Variants in GFPT2 observed in about 807,000 individuals in gnomAD.
The protein encoded by GFPT2 is glutamine--fructose-6-phosphate transaminase 2.
Under a neutral mutation model 85.6 loss-of-function variants are expected in GFPT2, and 62 were observed. The observed-to-expected ratio is 0.72, with a 90% confidence interval of 0.59 to 0.90. The LOEUF is 0.90. Ranked by LOEUF, GFPT2 falls within the 40% of genes least tolerant of loss-of-function variation. GFPT2 has a pLI of 0.00. For missense variants in GFPT2, 788 were observed against 893.4 expected (o/e 0.88, Z 1.50); for synonymous variants, 368 against 344.5 (o/e 1.07, Z -0.75).
Position 180,353,314 on chromosome 5 carries a change from CGTG to C in GFPT2, c.-100_-98del. On this transcript the variant is annotated 5_prime_UTR_variant, in exon 1 of 19. Transcript: ENST00000253778. ...GCTCCTCCGTGGGCTCCGTGGGCTCCGTGGGCTCCGCGGGCTCCAGCTCCCGTC... is the reference window on the plus strand; with the variant it reads ...GCTCCTCCGTGGGCTCCGTGGGCTCCGGCTCCGCGGGCTCCAGCTCCCGTC... 5 of 951,968 alleles carry C rather than the reference CGTG, an allele frequency of 5.3e-6. No individual in the cohort carries two copies. Among genetic ancestry groups the C allele is most frequent in the Non-Finnish European group, 4.1e-6 (3 of 736,848 alleles). The allele number at this position is 951,968 out of a possible 1,614,324, so 59.0% of individuals were successfully genotyped here.
At chr5:180,320,749 A>G (rs967821746) in intron 9 of GFPT2, among the ~76,000 whole-genome samples, 1 of 152,220 alleles carries the variant, frequency 6.6e-6, no homozygotes, top group African/African-American at 2.4e-5. Context: ...CCTGGGTGAC[A>G]GAGCAAGACT....
At chr5:180,307,085 A>G (rs1763795061) in intron 16 of GFPT2, 91 bp downstream of exon 16, 4 of 1,113,650 alleles carry the variant, frequency 3.6e-6, no homozygotes, top group Middle Eastern at 2.9e-4. Context: ...GGCCCTCCCC[A>G]AGCCCAACGC....
At chr5:180,337,818 ATTG>A (rs1252497161) in intron 2 of GFPT2, among the ~76,000 whole-genome samples, 1 of 151,904 alleles carries the variant, frequency 6.6e-6, no homozygotes. Flanking sequence ...CTCTTTATGT[ATTG>A]TTCTGTGTGT....
At chr5:180,313,401 C>T (rs1467260655) in intron 14 of GFPT2, among the ~76,000 whole-genome samples, 14 of 149,244 alleles carry the variant, frequency 9.4e-5, no homozygotes, top group Admixed American at 8.0e-4. Flanking sequence ...ACCATCCCGG[C>T]TAACACGGTG....
chr5:180,338,627 T>A, intron 1 of GFPT2, 27 bp from the exon 2 acceptor site: 1 of 1,337,506 alleles, frequency 7.5e-7, no homozygotes. Flanking sequence ...AAATGGTGCA[T>A]TCATAAAATA....
chr5:180,342,278 T>TA, intron 1 of GFPT2, among the ~76,000 whole-genome samples: 1 of 152,150 alleles, frequency 6.6e-6, no homozygotes, highest in Non-Finnish European at 1.5e-5. Flanking sequence ...TAATGTCAAT[T>TA]AAAAAATTTT....
Position 180,306,908 on chromosome 5 carries a change from C to T in GFPT2, c.1674+268G>A, listed in dbSNP as rs564429483. 5.3e-5 allele frequency among the ~76,000 whole-genome samples: 8 copies of T among 152,308 alleles called. No individual in the cohort carries two copies. The East Asian group carries it at 5.8e-4, about 11-fold the overall frequency. ...TGGACCCTGGCAGTGCCTGGACAGC[C>T]GGAGGGGCACACCCCAGGCGCCCTG... On this transcript the variant is annotated intron_variant, in intron 16 of 18. Transcript: ENST00000253778.
At position 180,318,549 on chromosome 5, in the gene GFPT2, G is replaced by C. The variant is rs552579531; in HGVS notation, c.958+244C>G. 507 of 508,996 alleles carry C rather than the reference G, an allele frequency of 1.0e-3. 1 individual carries two copies. The highest frequency in any genetic ancestry group is 1.6e-3 in the Non-Finnish European group (459 of 281,416). 31.5% of individuals were successfully genotyped at this position (508,996 alleles called of 1,614,324 possible). ...GTGAAGGAAGGCAGCTGACACACTG[G>C]GCTCAGTTCCAGTAGGAAAGACCTG... On this transcript the variant is annotated intron_variant, in intron 10 of 18. Transcript: ENST00000253778. This position sits in a 1 kb window ranked among gnomAD's most constrained non-coding sequence, Gnocchi z 4.2.
At chr5:180,314,035 C>T in intron 13 of GFPT2, 71 bp from the exon 14 acceptor site, 1 of 1,428,420 alleles carries the variant, frequency 7.0e-7, no homozygotes, top group Non-Finnish European at 9.3e-7. Context: ...CTTCCTCCTT[C>T]ACCGCCGGCT....
Position 180,302,167 on chromosome 5 carries a change from G to A in GFPT2, c.2004+256C>T, listed in dbSNP as rs189278057. ...CCAGGCATGGTGGCGGGTGCTTGTAGTCCCAGCTACTCGGGAGGCTGAGGC... is the reference window on the plus strand; with the variant it reads ...CCAGGCATGGTGGCGGGTGCTTGTAATCCCAGCTACTCGGGAGGCTGAGGC... On this transcript the variant is annotated intron_variant, in intron 18 of 18. Coordinates refer to ENST00000253778, the MANE Select transcript of GFPT2 (RefSeq NM_005110.4). Among the ~76,000 whole-genome samples the A allele has an allele frequency of 3.7e-3, 554 of 150,638 alleles. 7 individuals carry two copies. Among genetic ancestry groups the A allele is most frequent in the Admixed American group, 0.022 (324 of 15,048 alleles).
intron 13 of GFPT2, among the ~76,000 whole-genome samples, chr5:180,315,271 G>A (rs1193506002): frequency 2.0e-5 from 3 of 151,578 alleles, no homozygotes; most frequent in Non-Finnish European, 2.9e-5. Context: ...TCCGCCTCCC[G>A]GGTTCACGCC....
In GFPT2 at chr5:180,348,377, A is replaced by G. The variant is rs1764650192; in HGVS notation, c.7+4834T>C. 2.6e-5 allele frequency among the ~76,000 whole-genome samples: 4 copies of G among 152,244 alleles called. No homozygotes were observed. In the South Asian group the frequency reaches 8.3e-4, roughly 31 times the overall value. On this transcript the variant is annotated intron_variant, in intron 1 of 18. Coordinates refer to ENST00000253778, the MANE Select transcript of GFPT2 (RefSeq NM_005110.4). ...TGGAGAGTCCCCTGGGCCTTGGGCA[A>G]GGGCTGCTGAGGAGCTGTGGCCTCT...
Position 180,324,635 on chromosome 5 carries a change from A to T in GFPT2, c.676+181T>A. The T allele has an allele frequency of 8.4e-6, 5 of 593,682 alleles. No homozygotes were observed. In the South Asian group the frequency reaches 8.4e-5, roughly 10 times the overall value. The allele number at this position is 593,682 out of a possible 1,614,324, so 36.8% of individuals were successfully genotyped here. ...AATTCATGTCCATGATAAAAAGCTT[A>T]AAAAAAATGGAGCCAAGTCTCAGTT... On this transcript the variant is annotated intron_variant, in intron 8 of 18. Coordinates refer to ENST00000253778, the MANE Select transcript of GFPT2 (RefSeq NM_005110.4).
chr5:180,344,318 C>G (rs1434795081), intron 1 of GFPT2, among the ~76,000 whole-genome samples: 1 of 152,224 alleles, frequency 6.6e-6, no homozygotes, highest in African/African-American at 2.4e-5. Context: ...GCAGAAACTT[C>G]CTTTCCACTG....
At position 180,302,429 on chromosome 5, in the gene GFPT2, T is replaced by C. The variant is rs576465444; in HGVS notation, c.1998A>G (p.Gly666=). ...GTGCAGTTTTTAGACGCACGTCATA[T>C]CCTCGGAGAACAGCCAGGTGGAAGG... ...LLSFHLAVLR[G]YDVDFPRNLA... The change falls in exon 18 of 19, where the codon GGA becomes GGG. Residue 666 remains glycine (G), a synonymous_variant. Coordinates refer to ENST00000253778, the MANE Select transcript of GFPT2 (RefSeq NM_005110.4). 6 of 1,613,256 alleles carry C rather than the reference T, an allele frequency of 3.7e-6. No homozygotes were observed. Among genetic ancestry groups the C allele is most frequent in the Non-Finnish European group, 4.2e-6 (5 of 1,179,718 alleles).
intron 4 of GFPT2, among the ~76,000 whole-genome samples, chr5:180,332,730 G>C (rs987561616): frequency 1.3e-5 from 2 of 152,054 alleles, no homozygotes; most frequent in South Asian, 4.1e-4. Flanking sequence ...AGTAGAGACA[G>C]GGTTTCACCA....
At chr5:180,322,061 A>C (rs1311000528) in intron 9 of GFPT2, among the ~76,000 whole-genome samples, 3 of 152,210 alleles carry the variant, frequency 2.0e-5, no homozygotes, top group Non-Finnish European at 4.4e-5. Context: ...TGCTGGGATG[A>C]CAGGCGTGAG....
At chr5:180,312,597 C>T (rs1292401769) in intron 14 of GFPT2, 53 bp from the exon 15 acceptor site, 2 of 982,032 alleles carry the variant, frequency 2.0e-6, no homozygotes, top group African/African-American at 3.2e-5. Context: ...TTTAAATCAA[C>T]TTTTATTTTT....
intron 12 of GFPT2, 149 bp downstream of exon 12, chr5:180,316,615 A>G (rs982116270): frequency 1.4e-5 from 13 of 927,574 alleles, no homozygotes; most frequent in Non-Finnish European, 1.7e-5. Context: ...TCGAAGATAA[A>G]AGGGCTCCGT....
Sources: allele counts gnomAD v4.1 joint callset (sites outside exome capture counted in the v4.1 genomes callset), GRCh38; gene constraint gnomAD v4.1.1; non-coding constraint Gnocchi (gnomAD v3.1); transcripts MANE v1.5; gene names NCBI Gene and HGNC (gene_info 2026-07-23, HGNC 2026-07-21).